The following TRMT2B variants were observed in gnomAD, a reference collection of about 807,000 sequenced individuals.
The protein encoded by TRMT2B is tRNA methyltransferase 2B, also known as tRNA (uracil-5-)-methyltransferase homolog B.
A neutral mutation model predicts 39.7 loss-of-function variants in TRMT2B; 34 were observed. The observed-to-expected ratio is 0.86, with a 90% CI of 0.65 to 1.14. The LOEUF (loss-of-function observed/expected upper bound fraction) is 1.14. Ranked by LOEUF, TRMT2B falls within the 50% of genes most tolerant of loss-of-function variation. The pLI is 0.00. For missense variants in TRMT2B, 318 were observed against 377.2 expected, an observed-to-expected ratio of 0.84 and a Z score of 1.30; for synonymous variants, 132 against 137.3, an observed-to-expected ratio of 0.96 and a Z score of 0.27.
intron 4 of TRMT2B, among the ~76,000 whole-genome samples, chrX:101,039,281 A>C (rs2088067965): frequency 9.1e-6 from 1 of 110,119 alleles, no homozygotes. Flanking sequence ...CATGTTAGCC[A>C]GGATGGTCTC....
At chrX:100,973,399 C>A in the TRMT2B span, among the ~76,000 whole-genome samples, 2 of 102,805 alleles carry the variant, frequency 1.9e-5, no homozygotes, top group East Asian at 6.4e-4. Flanking sequence ...GGGGCCCGTC[C>A]GCTCCTCCAG....
At chrX:101,025,059 T>C (rs1312954553) in intron 7 of TRMT2B, among the ~76,000 whole-genome samples, 2 of 111,207 alleles carry the variant, frequency 1.8e-5, no homozygotes, top group African/African-American at 6.5e-5. Context: ...TATCTTGAAC[T>C]GTAAGCTCCA....
chrX:100,990,774 TTAAGG>T, the TRMT2B span: 1 of 429,023 alleles, frequency 2.3e-6, no homozygotes, highest in Admixed American at 4.6e-5. Flanking sequence ...ATTTTTTTCT[TTAAGG>T]TTCTTAGGCA....
chrX:101,039,077 G>GTTT (rs1187261911), intron 4 of TRMT2B, among the ~76,000 whole-genome samples: 1 of 106,079 alleles, frequency 9.4e-6, no homozygotes, highest in Admixed American at 1.0e-4. Context: ...TTATTTTTTT[G>GTTT]TTTTTTTTTG....
the TRMT2B span, among the ~76,000 whole-genome samples, chrX:100,988,861 T>TATC: frequency 1.0e-5 from 1 of 100,106 alleles, no homozygotes; most frequent in African/African-American, 3.6e-5. Context: ...CATATATATA[T>TATC]ATATATATAT....
intron 4 of TRMT2B, 91 bp downstream of exon 4, chrX:101,041,225 TA>T: frequency 2.6e-6 from 2 of 778,204 alleles, no homozygotes; most frequent in East Asian, 7.2e-5. Context: ...AAATTAAAAA[TA>T]AATAAATAAA....
At chrX:101,021,052 G>A (rs2086776524) in intron 10 of TRMT2B, 49 bp downstream of exon 10, 8 of 1,133,105 alleles carry the variant, frequency 7.1e-6, no homozygotes, top group Non-Finnish European at 9.7e-6. Context: ...AGCTACAAGG[G>A]CCTTGGGAGC....
the TRMT2B span, among the ~76,000 whole-genome samples, chrX:101,002,050 C>T: frequency 2.7e-5 from 3 of 111,477 alleles, no homozygotes; most frequent in Non-Finnish European, 5.6e-5. Flanking sequence ...ACTGCAACCA[C>T]TTGCAAATGC....
Position 101,022,054 on chromosome X carries a change from G to A in TRMT2B, c.765C>T (p.Leu255=). The A allele has an allele frequency of 1.7e-6, 2 of 1,205,838 alleles. No homozygotes were observed. Among genetic ancestry groups the A allele is most frequent in the Non-Finnish European group, 2.2e-6 (2 of 890,188 alleles). ...FHPQKLSQEE[L]HVQKEIVKEF... is the part of the protein sequence containing the mutation. ...CCTTTACAATCTCCTTCTGAACATG[G>A]AGCTCCTCCTGCCCAGACCATAAAA... is the stretch of plus-strand genomic sequence containing the variant. Residue 255 remains leucine, a synonymous_variant, in exon 9 of 14, where the codon CTC becomes CTT. Transcript: ENST00000372936.
At position 101,019,084 on chromosome X, in the gene TRMT2B, C is replaced by A. The variant is rs764215292; in HGVS notation, c.1289-14G>T. The A allele has an allele frequency of 2.1e-5, 24 of 1,145,000 alleles. No homozygotes were observed. Among genetic ancestry groups the A allele is most frequent in the Middle Eastern group, 4.8e-4 (2 of 4,206 alleles). 94.4% of individuals were successfully genotyped at this position (1,145,000 alleles called of 1,213,427 possible). On this transcript the variant is annotated splice_polypyrimidine_tract_variant and intron_variant, in intron 12 of 13. Transcript: ENST00000372936. ...TCACCTTGTAATCTGAAGGAAGAAA[C>A]ACCTTGCTATTAGTATAATTAACTA...
intron 5 of TRMT2B, 30 bp from the exon 6 acceptor site, chrX:101,037,103 T>C: frequency 9.3e-7 from 1 of 1,070,069 alleles, no homozygotes; most frequent in South Asian, 1.9e-5. Context: ...AGGAGGGGGA[T>C]GAGAGGTCAA....
chrX:101,022,163 G>A (rs888662491), intron 8 of TRMT2B, 101 bp from the exon 9 acceptor site: 4 of 535,667 alleles, frequency 7.5e-6, no homozygotes, highest in Non-Finnish European at 1.3e-5. Context: ...CAGATGTGAA[G>A]ACATTTCACA....
At position 101,051,730 on chromosome X, in the gene TRMT2B, T is replaced by C. The variant is rs2089112404; in HGVS notation, c.-503A>G. ...GCGGACAGTTTGGCATAGTAGGGAGTTTTCTGTAAAGCAAGGGTTAAATCA... is the reference window on the plus strand; with the variant it reads ...GCGGACAGTTTGGCATAGTAGGGAGCTTTCTGTAAAGCAAGGGTTAAATCA... On this transcript the variant is annotated 5_prime_UTR_variant, in exon 2 of 14. Transcript: ENST00000372936. 1 of 748,321 alleles carries C rather than the reference T, an allele frequency of 1.3e-6. No individual in the cohort carries two copies. The allele number at this position is 748,321 out of a possible 1,213,427, so 61.7% of individuals were successfully genotyped here.
rs373939165 is a variant in TRMT2B at position 101,045,567 on chromosome X, C to T, written c.-23-3255G>A. ...GGCAGATCACCTGAGGTCAGGAGTT[C>T]GAGACCAGCCTGAGCAACATAGTGA... On this transcript the variant is annotated intron_variant, in intron 2 of 13. Transcript: ENST00000372936. Among the ~76,000 whole-genome samples the T allele has an allele frequency of 5.5e-5, 6 of 108,566 alleles. No homozygotes were observed. In the East Asian group the frequency reaches 1.1e-3, roughly 21 times the overall value. The allele number at this position is 108,566 out of a possible 115,157, so 94.3% of individuals were successfully genotyped here.
In TRMT2B at chrX:101,051,324, T is replaced by G. The variant is rs1431194485; in HGVS notation, c.-97A>C. On this transcript the variant is annotated 5_prime_UTR_variant, in exon 2 of 14. Transcript: ENST00000372936. The stretch of plus-strand genomic sequence containing the variant: ...CAAGGGTCCTGCTTGCACTCTCTGC[T>G]CACCCTTCCTTCAGCTGGACCGGCT... 3 of 751,893 alleles carry G rather than the reference T, an allele frequency of 4.0e-6. No individual in the cohort carries two copies. The African/African-American group carries it at 7.0e-5, about 17-fold the overall frequency. 62.0% of individuals were successfully genotyped at this position (751,893 alleles called of 1,213,427 possible). A position where few individuals can be genotyped will look rare whatever the true frequency, so the allele number is the denominator to read the frequency against.
intron 12 of TRMT2B, 86 bp downstream of exon 12, chrX:101,019,198 T>C: frequency 1.7e-6 from 2 of 1,175,999 alleles, no homozygotes; most frequent in Non-Finnish European, 2.3e-6. Flanking sequence ...GCCAGCCCAC[T>C]GGGAGCACCC....
At chrX:101,000,742 C>A in the TRMT2B span, among the ~76,000 whole-genome samples, 2 of 110,458 alleles carry the variant, frequency 1.8e-5, no homozygotes, top group African/African-American at 6.6e-5. Context: ...GCTTAGAGAC[C>A]AAAAATCCAA....
chrX:101,037,240 G>C (rs778573862), intron 5 of TRMT2B, 167 bp from the exon 6 acceptor site: 17 of 434,650 alleles, frequency 3.9e-5, no homozygotes, highest in Non-Finnish European at 5.6e-5. Flanking sequence ...ACAGTCCATA[G>C]AAGGGGAGTT....
the TRMT2B span, chrX:100,986,065 G>T: frequency 1.5e-6 from 1 of 670,160 alleles, no homozygotes; most frequent in Non-Finnish European, 2.1e-6. Context: ...AATTTTCTGA[G>T]GTTTGTTCTC....
Sources: gnomAD v4.1 joint callset for allele counts (sites outside exome capture counted in the v4.1 genomes callset) on GRCh38, gnomAD v4.1.1 for gene constraint, MANE v1.5 for transcripts, NCBI Gene and HGNC (gene_info 2026-07-23, HGNC 2026-07-21) for gene names.